The following PPM1L variants were observed in gnomAD, a reference collection of about 807,000 sequenced individuals.
The protein encoded by PPM1L is protein phosphatase 1L.
PPM1L carries 13 observed loss-of-function variants against 31.4 expected under a neutral mutation model. The ratio of observed to expected loss-of-function variants is 0.41; its 90% CI spans 0.27 to 0.66. PPM1L has a LOEUF of 0.66. Among genes scored for constraint, PPM1L ranks in the 30% least tolerant of loss-of-function variants. PPM1L has a pLI of 0.29. For synonymous variants in PPM1L, 184 were observed against 175.4 expected, an observed-to-expected ratio of 1.05 and a Z score of -0.39; for missense variants, 326 against 453.7, an observed-to-expected ratio of 0.72 and a Z score of 2.56.
At chr3:161,003,310 T>C (rs1717572655) in intron 2 of PPM1L, among the ~76,000 whole-genome samples, 1 of 149,580 alleles carries the variant, frequency 6.7e-6, no homozygotes, top group South Asian at 2.2e-4. Context: ...TAGGATTGAC[T>C]TGGCAATGTG....
At chr3:160,801,329 C>T (rs913476908) in intron 1 of PPM1L, among the ~76,000 whole-genome samples, 1 of 152,050 alleles carries the variant, frequency 6.6e-6, no homozygotes, top group African/African-American at 2.4e-5. Flanking sequence ...AACATAAAAC[C>T]TTTGCTTTGA....
intron 1 of PPM1L, among the ~76,000 whole-genome samples, chr3:160,923,972 C>T (rs1714504288): frequency 6.6e-6 from 1 of 152,166 alleles, no homozygotes; most frequent in African/African-American, 2.4e-5. Context: ...GCAAGGTAAA[C>T]CATCATCTGT....
At chr3:160,873,347 A>G (rs1279875791) in intron 1 of PPM1L, among the ~76,000 whole-genome samples, 4 of 152,194 alleles carry the variant, frequency 2.6e-5, no homozygotes, top group Admixed American at 6.5e-5. Context: ...TTAGATGCTT[A>G]TGTGCTAACC....
chr3:161,005,037 T>G (rs1182207805), intron 2 of PPM1L, among the ~76,000 whole-genome samples: 2 of 152,212 alleles, frequency 1.3e-5, no homozygotes, highest in East Asian at 1.9e-4. Flanking sequence ...TCTGGTATGT[T>G]GTGTCTTTGT....
chr3:161,022,091 T>C, intron 2 of PPM1L: 1 of 644,266 alleles, frequency 1.6e-6, no homozygotes, highest in Non-Finnish European at 2.8e-6. Context: ...ACTCCATTAT[T>C]GCATACTTTT....
intron 1 of PPM1L, among the ~76,000 whole-genome samples, chr3:160,855,525 A>G (rs1711661871): frequency 6.6e-6 from 1 of 152,202 alleles, no homozygotes; most frequent in African/African-American, 2.4e-5. Context: ...ATTAACAAGC[A>G]AAAAGCAAAC....
At chr3:160,892,452 A>G (rs975497625) in intron 1 of PPM1L, among the ~76,000 whole-genome samples, 1 of 152,164 alleles carries the variant, frequency 6.6e-6, no homozygotes, top group Non-Finnish European at 1.5e-5. Flanking sequence ...ACCAGGCCCT[A>G]CCTCCAACAC....
intron 2 of PPM1L, among the ~76,000 whole-genome samples, chr3:160,970,571 T>A (rs1716297900): frequency 6.7e-6 from 1 of 148,734 alleles, no homozygotes; most frequent in South Asian, 2.2e-4. Flanking sequence ...TGCATCAGCC[T>A]CCCAAGTAGC....
At chr3:160,916,683 T>C (rs1346475687) in intron 1 of PPM1L, among the ~76,000 whole-genome samples, 2 of 151,676 alleles carry the variant, frequency 1.3e-5, no homozygotes, top group African/African-American at 4.8e-5. Context: ...TTTATATTCT[T>C]TTTTTTTTCT....
chr3:160,756,560 G>A lies in PPM1L; in HGVS notation c.252G>A (p.Lys84=). 6.2e-7 allele frequency: 1 copy of A among 1,614,128 alleles called. No homozygotes were observed. Among genetic ancestry groups the A allele is most frequent in the Non-Finnish European group, 8.5e-7 (1 of 1,180,026 alleles). ...ATGTGCTCGAGGCCGAGTTTTCCAA[G>A]ACCTGGGAGTTCAAGAACCACAACG... is the stretch of plus-strand genomic sequence containing the variant. ...GLDVLEAEFS[K]TWEFKNHNVA... is the part of the protein sequence containing the mutation. The change falls in exon 1 of 4, where the codon AAG becomes AAA. Residue 84 remains lysine (K), a synonymous_variant. Coordinates refer to ENST00000498165, the MANE Select transcript of PPM1L (RefSeq NM_139245.4). This position sits in a 1 kb window ranked among gnomAD's most constrained non-coding sequence, Gnocchi z 6.2.
chr3:160,936,133 A>G (rs1333260855), intron 1 of PPM1L, among the ~76,000 whole-genome samples: 1 of 152,106 alleles, frequency 6.6e-6, no homozygotes, highest in South Asian at 2.1e-4. Flanking sequence ...TTTTTTCCCC[A>G]GGCTGGAGTG....
At chr3:160,789,996 A>G (rs1449133153) in intron 1 of PPM1L, among the ~76,000 whole-genome samples, 6 of 152,138 alleles carry the variant, frequency 3.9e-5, no homozygotes, top group African/African-American at 1.4e-4. Flanking sequence ...ATAATACCTA[A>G]TACAGTATAA....
intron 1 of PPM1L, among the ~76,000 whole-genome samples, chr3:160,907,923 G>A (rs1713818850): frequency 6.6e-6 from 1 of 152,112 alleles, no homozygotes; most frequent in Admixed American, 6.6e-5. Context: ...CCTCCCCTTG[G>A]CCAAACCTAC....
chr3:160,768,294 T>G (rs1715163194), intron 1 of PPM1L, among the ~76,000 whole-genome samples: 1 of 152,170 alleles, frequency 6.6e-6, no homozygotes, highest in Non-Finnish European at 1.5e-5. Flanking sequence ...ATCAAGGAGA[T>G]TCCACATTTT....
rs1255718897 is a variant in PPM1L, at chr3:161,003,032, G to A, written c.574+41122G>A. On this transcript the variant is annotated intron_variant, in intron 2 of 3. Coordinates refer to ENST00000498165, the MANE Select transcript of PPM1L (RefSeq NM_139245.4). ...ATTTTTGTATAAAGTGTAAGGAAGG[G>A]ATCCAGTTTCAGCTTTCTACATATG... Among the ~76,000 whole-genome samples the A allele has an allele frequency of 2.0e-5, 3 of 150,708 alleles. No individual in the cohort carries two copies. In the South Asian group the frequency reaches 6.3e-4, roughly 32 times the overall value.
intron 1 of PPM1L, among the ~76,000 whole-genome samples, chr3:160,775,918 A>T (rs1711548465): frequency 6.6e-6 from 1 of 152,224 alleles, no homozygotes; most frequent in South Asian, 2.1e-4. Context: ...AGAAACAGTG[A>T]TTTATAGACT....
At chr3:160,761,448 C>T (rs571527234) in intron 1 of PPM1L, among the ~76,000 whole-genome samples, 11 of 152,016 alleles carry the variant, frequency 7.2e-5, no homozygotes, top group Non-Finnish European at 1.5e-4. Flanking sequence ...TTAATGAGGA[C>T]CAAGGGAGAA....
At position 160,981,967 on chromosome 3, in the gene PPM1L, C is replaced by T. The variant is rs1045832260; in HGVS notation, c.574+20057C>T. On this transcript the variant is annotated intron_variant, in intron 2 of 3. Coordinates refer to ENST00000498165, the MANE Select transcript of PPM1L (RefSeq NM_139245.4). ...TTTTAGTAGAGACGGGGTTTCACCA[C>T]GTTGGCCAGGGTGGTCTCAAACTCC... Among the ~76,000 whole-genome samples, 10 of 151,888 alleles carry T rather than the reference C, an allele frequency of 6.6e-5. No homozygotes were observed. The East Asian group carries it at 1.8e-3, about 27-fold the overall frequency.
At chr3:161,051,373 T>TACACACAC (rs5853922) in intron 2 of PPM1L, among the ~76,000 whole-genome samples, 31 of 147,458 alleles carry the variant, frequency 2.1e-4, no homozygotes, top group African/African-American at 6.2e-4. Context: ...ATTTAGTCAC[T>TACACACAC]ACACACACAC....
Sources: gnomAD v4.1 joint callset for allele counts (sites outside exome capture counted in the v4.1 genomes callset) on GRCh38, gnomAD v4.1.1 for gene constraint, Gnocchi (gnomAD v3.1) non-coding constraint, MANE v1.5 for transcripts, NCBI Gene and HGNC (gene_info 2026-07-23, HGNC 2026-07-21) for gene names.